The following TMEM117 variants were observed in gnomAD, a reference collection of about 807,000 sequenced individuals.
The protein encoded by TMEM117 is transmembrane protein 117.
TMEM117 carries 27 observed loss-of-function variants against 52.4 expected under a neutral mutation model. The ratio of observed to expected loss-of-function variants is 0.51; its 90% CI spans 0.38 to 0.71. TMEM117 has a LOEUF of 0.71. Among genes scored for constraint, TMEM117 ranks in the 30% least tolerant of loss-of-function variants. The pLI is 0.00. For synonymous variants in TMEM117, 215 were observed against 206.3 expected, an observed-to-expected ratio of 1.04 and a Z score of -0.36; for missense variants, 556 against 630.5, an observed-to-expected ratio of 0.88 and a Z score of 1.26.
intron 2 of TMEM117, among the ~76,000 whole-genome samples, chr12:43,852,586 C>T (rs1592307245): frequency 6.6e-6 from 1 of 152,106 alleles, no homozygotes; most frequent in African/African-American, 2.4e-5. Context: ...TGGCATGGAG[C>T]GAGACTCTGT....
intron 6 of TMEM117, among the ~76,000 whole-genome samples, chr12:44,317,091 T>C (rs1045790838): frequency 2.0e-5 from 3 of 150,212 alleles, no homozygotes; most frequent in African/African-American, 7.3e-5. Flanking sequence ...ATCCGTCATT[T>C]CTGAGTGTCT....
rs1948600379 is a variant in TMEM117 at position 44,143,603 on chromosome 12, G to A, written c.489G>A (p.Gly163=). The A allele has an allele frequency of 1.2e-6, 2 of 1,613,590 alleles. No individual in the cohort carries two copies. The highest frequency in any genetic ancestry group is 1.3e-5 in the African/African-American group (1 of 75,002). ...TAGCTGCAGTAGGGACCTGGATGGG[G>A]GACTTTGTCACAGCTTGGATGGTAA... ...MKLAAVGTWM[G]DFVTAWMVTD... The change falls in exon 4 of 8, where the codon GGG becomes GGA. Residue 163 remains glycine (G), a synonymous_variant. Transcript: ENST00000266534.
At chr12:44,096,780 A>T (rs1270406460) in intron 3 of TMEM117, among the ~76,000 whole-genome samples, 2 of 152,130 alleles carry the variant, frequency 1.3e-5, no homozygotes, top group Non-Finnish European at 2.9e-5. Context: ...AAGCTAGGCA[A>T]TACCATTCAG....
intron 4 of TMEM117, among the ~76,000 whole-genome samples, chr12:44,210,917 C>A (rs73272261): frequency 0.019 from 2,878 of 152,050 alleles, 81 homozygotes; most frequent in African/African-American, 0.066. Flanking sequence ...TTAATGATAT[C>A]GCTAAAAATC....
intron 5 of TMEM117, among the ~76,000 whole-genome samples, chr12:44,258,731 A>G (rs188459359): frequency 1.8e-4 from 27 of 152,300 alleles, no homozygotes; most frequent in Non-Finnish European, 1.9e-4. Flanking sequence ...TATCCTTGAG[A>G]ATCACATATA....
At chr12:44,327,852 C>T (rs1273551883) in intron 6 of TMEM117, among the ~76,000 whole-genome samples, 1 of 152,020 alleles carries the variant, frequency 6.6e-6, no homozygotes, top group Non-Finnish European at 1.5e-5. Context: ...GATCAGAAGC[C>T]CCTAATATTT....
downstream of TMEM117, chr12:44,389,882 ATTTTGT>A (rs1952148414): frequency 6.6e-6 from 1 of 151,990 alleles, no homozygotes. Context: ...CTTGCTTTCA[ATTTTGT>A]TCCATAAATT....
At chr12:44,071,885 G>A (rs996138906) in intron 3 of TMEM117, among the ~76,000 whole-genome samples, 11 of 152,160 alleles carry the variant, frequency 7.2e-5, no homozygotes, top group East Asian at 3.9e-4. Flanking sequence ...GCTCCGATCC[G>A]GAGGTTCTGG....
chr12:44,361,995 G>A (rs1000571318), intron 6 of TMEM117, among the ~76,000 whole-genome samples: 2 of 152,134 alleles, frequency 1.3e-5, no homozygotes, highest in Non-Finnish European at 2.9e-5. Context: ...CATGAAGTAG[G>A]TAATTGAGCA....
intron 6 of TMEM117, among the ~76,000 whole-genome samples, chr12:44,373,511 T>C (rs1273683700): frequency 6.6e-6 from 1 of 152,244 alleles, no homozygotes; most frequent in East Asian, 1.9e-4. Flanking sequence ...TTTGCTTCAC[T>C]GTCAGGATAA....
At chr12:44,398,485 A>C in the TMEM117 span, among the ~76,000 whole-genome samples, 3 of 152,172 alleles carry the variant, frequency 2.0e-5, no homozygotes, top group African/African-American at 7.2e-5. Context: ...CCTCCAATCA[A>C]ATGGTCTCGG....
chr12:43,993,155 A>C (rs2137755188), intron 3 of TMEM117, among the ~76,000 whole-genome samples: 1 of 152,368 alleles, frequency 6.6e-6, no homozygotes, highest in East Asian at 1.9e-4. Context: ...AAGACATTCA[A>C]GTAAACCTCT....
intron 6 of TMEM117, among the ~76,000 whole-genome samples, chr12:44,322,423 G>A (rs1951143818): frequency 6.6e-6 from 1 of 152,112 alleles, no homozygotes; most frequent in African/African-American, 2.4e-5. Flanking sequence ...GTTGCAGAAA[G>A]CTTCATTTCG....
In TMEM117 at chr12:44,261,360, G is replaced by A. The variant is rs115485949; in HGVS notation, c.609-38220G>A. 8.1e-3 allele frequency among the ~76,000 whole-genome samples: 1,231 copies of A among 152,242 alleles called. 22 individuals carry two copies. The highest frequency in any genetic ancestry group is 0.027 in the African/African-American group (1,141 of 41,546). On this transcript the variant is annotated intron_variant, in intron 5 of 7. Transcript: ENST00000266534. ...CTAACTGGAAAACTAATGTTCTCAC[G>A]TGCTATCTGATTTAAAATATCAAAC...
intron 7 of TMEM117, among the ~76,000 whole-genome samples, chr12:44,382,069 C>T (rs1439844856): frequency 1.3e-5 from 2 of 152,174 alleles, no homozygotes; most frequent in African/African-American, 4.8e-5. Flanking sequence ...ATTTTCAGCT[C>T]TTAAGAGTTA....
intron 3 of TMEM117, among the ~76,000 whole-genome samples, chr12:43,983,584 G>C (rs1354635367): frequency 6.8e-6 from 1 of 146,758 alleles, no homozygotes; most frequent in Non-Finnish European, 1.5e-5. Flanking sequence ...GTGTGTGTGT[G>C]TGTGTGTGTA....
At chr12:43,912,532 T>TATATATATATATATATATATAG (rs1565747590) in intron 2 of TMEM117, among the ~76,000 whole-genome samples, 1 of 120,454 alleles carries the variant, frequency 8.3e-6, no homozygotes, top group Non-Finnish European at 1.9e-5. Context: ...TATATATATA[T>TATATATATATATATATATATAG]ATATGGCAGA....
At chr12:44,243,403 C>G (rs535335160) in intron 5 of TMEM117, among the ~76,000 whole-genome samples, 1 of 151,742 alleles carries the variant, frequency 6.6e-6, no homozygotes, top group Non-Finnish European at 1.5e-5. Context: ...AGTTTACACA[C>G]TCCTGAAAAT....
At chr12:44,012,158 T>A (rs1338953482) in intron 3 of TMEM117, among the ~76,000 whole-genome samples, 1 of 152,156 alleles carries the variant, frequency 6.6e-6, no homozygotes, top group Non-Finnish European at 1.5e-5. Context: ...TTGGATATAT[T>A]TCTTATCTTT....
Sources: allele counts gnomAD v4.1 joint callset (sites outside exome capture counted in the v4.1 genomes callset), GRCh38; gene constraint gnomAD v4.1.1; transcripts MANE v1.5; gene names NCBI Gene and HGNC (gene_info 2026-07-23, HGNC 2026-07-21).